Variants in RGMA observed in about 807,000 individuals in gnomAD.
The protein encoded by RGMA is repulsive guidance molecule A.
A neutral mutation model predicts 23.2 loss-of-function variants in RGMA; 10 were observed. The ratio of observed to expected loss-of-function variants is 0.43; its 90% CI spans 0.27 to 0.73. The LOEUF (loss-of-function observed/expected upper bound fraction) is 0.73. Among genes scored for constraint, RGMA ranks in the 30% least tolerant of loss-of-function variants. The probability of loss-of-function intolerance (pLI) is 0.20; values close to 1 mark genes in which losing one functional copy is unlikely to be tolerated. For synonymous variants in RGMA, 308 were observed against 279.3 expected, an observed-to-expected ratio of 1.10 and a Z score of -1.03; for missense variants, 547 against 630.5, an observed-to-expected ratio of 0.87 and a Z score of 1.42.
At chr15:93,068,142 T>G (rs1006541234) in intron 2 of RGMA, among the ~76,000 whole-genome samples, 1 of 152,174 alleles carries the variant, frequency 6.6e-6, no homozygotes, top group Non-Finnish European at 1.5e-5. Flanking sequence ...TCAGGACATA[T>G]AGATTCCAGT....
At chr15:93,056,230 G>C (rs2055010922) in intron 2 of RGMA, among the ~76,000 whole-genome samples, 2 of 152,218 alleles carry the variant, frequency 1.3e-5, no homozygotes, top group African/African-American at 2.4e-5. Context: ...AGCCGGGCCA[G>C]CCCGGAGTGT....
intron 2 of RGMA, among the ~76,000 whole-genome samples, chr15:93,071,483 G>A (rs1895319677): frequency 6.6e-6 from 1 of 152,328 alleles, no homozygotes; most frequent in African/African-American, 2.4e-5. Context: ...CCTTGGCCAG[G>A]CCTCCCTATG....
chr15:93,070,632 G>A (rs1157330129), intron 2 of RGMA, among the ~76,000 whole-genome samples: 1 of 152,190 alleles, frequency 6.6e-6, no homozygotes, highest in Non-Finnish European at 1.5e-5. Flanking sequence ...GAGCACACAA[G>A]TTTTGGAGCC....
At chr15:93,069,208 C>T (rs763307769) in intron 2 of RGMA, among the ~76,000 whole-genome samples, 3 of 152,286 alleles carry the variant, frequency 2.0e-5, no homozygotes, top group South Asian at 2.1e-4. Flanking sequence ...CTCCCGGGTT[C>T]GGGCGATTCT....
intron 2 of RGMA, among the ~76,000 whole-genome samples, chr15:93,056,804 CTG>C (rs1385291526): frequency 6.6e-6 from 1 of 152,204 alleles, no homozygotes; most frequent in Admixed American, 6.5e-5. Flanking sequence ...CAAGTAGAGA[CTG>C]TGTCCACCTT....
At chr15:93,073,289 C>G in intron 1 of RGMA, 2 of 795,472 alleles carry the variant, frequency 2.5e-6, no homozygotes, top group Non-Finnish European at 3.2e-6. Flanking sequence ...TCAGCGAGGC[C>G]GGCGAGGTAG....
intron 2 of RGMA, among the ~76,000 whole-genome samples, chr15:93,061,274 C>T (rs896960032): frequency 6.6e-6 from 1 of 152,230 alleles, no homozygotes; most frequent in East Asian, 1.9e-4. Flanking sequence ...CTGCCTCAGC[C>T]TCCTGAGTAG....
chr15:93,049,568 C>A (rs755303508), intron 3 of RGMA, among the ~76,000 whole-genome samples: 2 of 152,212 alleles, frequency 1.3e-5, no homozygotes, highest in African/African-American at 2.4e-5. Flanking sequence ...TCTTGATCGT[C>A]CACAAGAACA....
intron 1 of RGMA, among the ~76,000 whole-genome samples, chr15:93,086,891 G>A (rs553821249): frequency 6.6e-6 from 1 of 152,338 alleles, no homozygotes; most frequent in East Asian, 1.9e-4. Flanking sequence ...AGCAGGCAGA[G>A]GTTTCTTAGC....
chr15:93,049,582 G>A (rs2054884534), intron 3 of RGMA, among the ~76,000 whole-genome samples: 1 of 152,108 alleles, frequency 6.6e-6, no homozygotes, highest in Admixed American at 6.5e-5. Context: ...AAGAACAGAG[G>A]GATTGGCTGA....
intron 2 of RGMA, chr15:93,065,789 TG>T: frequency 3.0e-6 from 3 of 1,000,630 alleles, no homozygotes; most frequent in East Asian, 2.9e-5. Flanking sequence ...GTAGGCTGGC[TG>T]GGGTGGTCTG....
Position 93,045,430 on chromosome 15 carries a change from C to T in RGMA, c.921G>A (p.Trp307Ter). 1 of 1,613,122 alleles carries T rather than the reference C, an allele frequency of 6.2e-7. No homozygotes were observed. The highest frequency in any genetic ancestry group is 8.5e-7 in the Non-Finnish European group (1 of 1,179,774). ...GGCAGAGGTAGAGACCCTGGCTGTC[C>T]CAGTCCTCCACAGCATTGACCACTT... ...PEEVVNAVED[W>*]DSQGLYLCLR... Residue 307 changes from tryptophan (W) to a stop codon, truncating the protein, a stop_gained, in exon 4 of 4, where the codon TGG (tryptophan) becomes TGA (stop). Transcript: ENST00000329082. LOFTEE classifies it low-confidence loss of function (END_TRUNC). This position sits in a 1 kb window ranked among gnomAD's most constrained non-coding sequence, Gnocchi z 6.9.
At position 93,043,036 on chromosome 15, in the gene RGMA, A is replaced by G. The variant is rs576736703; in HGVS notation, c.*1962T>C. 3 of 152,360 alleles carry G rather than the reference A, an allele frequency of 2.0e-5. No homozygotes were observed. The East Asian group carries it at 5.8e-4, about 29-fold the overall frequency. The allele number at this position is 152,360 out of a possible 1,614,324, so 9.4% of individuals were successfully genotyped here. Reference sequence around the variant, plus strand: ...GTTCCACTGTCACTAGAACAAGAGGATCTGGGCCTGCCAAGCTCCAAAGAC... The same window carrying G: ...GTTCCACTGTCACTAGAACAAGAGGGTCTGGGCCTGCCAAGCTCCAAAGAC... On this transcript the variant is annotated 3_prime_UTR_variant, in exon 4 of 4. Transcript: ENST00000329082.
At chr15:93,063,616 G>C (rs1895043592) in intron 2 of RGMA, among the ~76,000 whole-genome samples, 1 of 152,202 alleles carries the variant, frequency 6.6e-6, no homozygotes, top group Non-Finnish European at 1.5e-5. Context: ...TTTTTCACCA[G>C]GTGCAGCAGA....
chr15:93,056,068 G>A (rs1050024587), intron 2 of RGMA, among the ~76,000 whole-genome samples: 3 of 152,270 alleles, frequency 2.0e-5, no homozygotes, highest in African/African-American at 7.2e-5. Flanking sequence ...GACCCAGCTC[G>A]GCAGGCCCCA....
intron 2 of RGMA, among the ~76,000 whole-genome samples, chr15:93,058,972 G>A (rs192960691): frequency 3.3e-5 from 5 of 152,104 alleles, no homozygotes; most frequent in Admixed American, 6.5e-5. Flanking sequence ...CTGCGCTCCC[G>A]GGGCCTGTGC....
chr15:93,088,937 C>T lies in RGMA; in HGVS notation c.-5G>A, dbSNP rs1226649040. ...CGCTTACCTTGGCGGCTGCATGAGC[C>T]CCTGCGGCCCGCGGGGGGTGGCGCT... On this transcript the variant is annotated 5_prime_UTR_variant, in exon 1 of 4. Transcript: ENST00000329082. The T allele has an allele frequency of 4.2e-6, 6 of 1,416,950 alleles. No individual in the cohort carries two copies. The highest frequency in any genetic ancestry group is 1.5e-5 in the African/African-American group (1 of 65,828). 87.8% of individuals were successfully genotyped at this position (1,416,950 alleles called of 1,614,324 possible).
chr15:93,038,599 G>A lies in RGMA; in HGVS notation c.*6399C>T. On this transcript the variant is annotated 3_prime_UTR_variant, in exon 4 of 4. Transcript: ENST00000329082. ...TTTTTTTTTTTTGAGACGGTGTCTT[G>A]CTCTGTCGCCCAGGCTGGAGGCTGG... 1.2e-5 allele frequency: 1 copy of A among 83,128 alleles called. No individual in the cohort carries two copies. The allele number at this position is 83,128 out of a possible 1,614,324, so 5.1% of individuals were successfully genotyped here. A position where few individuals can be genotyped will look rare whatever the true frequency, so the allele number is the denominator to read the frequency against.
In RGMA at chr15:93,038,465, T is replaced by G. The variant is rs1463572270; in HGVS notation, c.*6533A>C. 4.6e-5 allele frequency: 7 copies of G among 151,952 alleles called. No individual in the cohort carries two copies. Among genetic ancestry groups the G allele is most frequent in the Non-Finnish European group, 7.4e-5 (5 of 68,012 alleles). 9.4% of individuals were successfully genotyped at this position (151,952 alleles called of 1,614,324 possible). ...TGGACTGTTTCTTCAAGATGCCCTCTCCCCAGTTCTGGCTGGTCAGCCTGG... is the reference window on the plus strand; with the variant it reads ...TGGACTGTTTCTTCAAGATGCCCTCGCCCCAGTTCTGGCTGGTCAGCCTGG... On this transcript the variant is annotated 3_prime_UTR_variant, in exon 4 of 4. Transcript: ENST00000329082.
Sources: gnomAD v4.1 joint callset for allele counts (sites outside exome capture counted in the v4.1 genomes callset) on GRCh38, gnomAD v4.1.1 for gene constraint, Gnocchi (gnomAD v3.1) non-coding constraint, MANE v1.5 for transcripts, NCBI Gene and HGNC (gene_info 2026-07-23, HGNC 2026-07-21) for gene names.